BSN: variants seen among roughly 807,000 people sequenced by gnomAD.
BSN encodes the protein bassoon presynaptic cytomatrix protein.
Under a neutral mutation model 264.8 loss-of-function variants are expected in BSN, and 57 were observed. The ratio of observed to expected loss-of-function variants is 0.22; its 90% CI spans 0.17 to 0.27. The LOEUF (loss-of-function observed/expected upper bound fraction) is 0.27, where lower values mean the gene tolerates loss of function less well. Among genes scored for constraint, BSN ranks in the 10% least tolerant of loss-of-function variants. BSN has a pLI of 1.00. For synonymous variants in BSN, 2,059 were observed against 2,137.3 expected (o/e 0.96, Z 1.01); for missense variants, 4,615 against 5,232.5 (o/e 0.88, Z 3.64).
chr3:49,554,778 C>T lies in BSN; in HGVS notation c.176C>T (p.Pro59Leu). The stretch of plus-strand genomic sequence containing the variant: ...GCAGCGCGGTCGACCGCGGTACCAC[C>T]GGTCCCTGGCCCCGGCCCCGGCCCC... ...AGAARSTAVP[P>L]VPGPGPGPGP... Residue 59 changes from proline (P) to leucine (L), a missense_variant, in exon 1 of 12, where the codon CCG (proline) becomes CTG (leucine). Around this residue, in one of 3 missense-constraint regions of BSN, gnomAD observed 1,197 missense variants for 1,348.0 expected, o/e 0.89. Transcript: ENST00000296452. The T allele has an allele frequency of 8.2e-7, 1 of 1,226,764 alleles. No homozygotes were observed. Among genetic ancestry groups the T allele is most frequent in the Non-Finnish European group, 1.0e-6 (1 of 984,918 alleles). 76.0% of individuals were successfully genotyped at this position (1,226,764 alleles called of 1,614,324 possible). A position where few individuals can be genotyped will look rare whatever the true frequency, so the allele number is the denominator to read the frequency against.
Position 49,657,401 on chromosome 3 carries a change from C to T in BSN, c.7845C>T (p.Asp2615=), listed in dbSNP as rs370293771. The T allele has an allele frequency of 1.4e-4, 218 of 1,613,074 alleles. No homozygotes were observed. The highest frequency in any genetic ancestry group is 1.8e-4 in the Non-Finnish European group (212 of 1,180,028). ...GTGCTGACTGCAGTGTGCAGACGGA[C>T]GACGAAGACAGTGCTGAGTGGGAGC... ...RRSADCSVQT[D]DEDSAEWEQP... Residue 2615 remains aspartate, a synonymous_variant, in exon 5 of 12, where the codon GAC becomes GAT. Transcript: ENST00000296452.
rs2052110165 is a variant in BSN, at chr3:49,605,451, AT to A, written c.225-19523del. 7.6e-4 allele frequency among the ~76,000 whole-genome samples: 22 copies of A among 28,826 alleles called. 1 individual carries two copies. The highest frequency in any genetic ancestry group is 3.4e-3 in the African/African-American group (22 of 6,490). The allele number at this position is 28,826 out of a possible 152,430, so 18.9% of individuals were successfully genotyped here. A position where few individuals can be genotyped will look rare whatever the true frequency, so the allele number is the denominator to read the frequency against. On this transcript the variant is annotated intron_variant, in intron 1 of 11. Coordinates refer to ENST00000296452, the MANE Select transcript of BSN (RefSeq NM_003458.4). ...ATATAATATATATTATATATATTATATAATATATATTATATATAATATATAT... is the reference window on the plus strand; with the variant it reads ...ATATAATATATATTATATATATTATAAATATATATTATATATAATATATAT...
At position 49,653,778 on chromosome 3, in the gene BSN, C is replaced by A. The variant is rs143474442; in HGVS notation, c.4222C>A (p.Arg1408Ser). 6.2e-7 allele frequency: 1 copy of A among 1,614,102 alleles called. No individual in the cohort carries two copies. The change falls in exon 5 of 12, where the codon CGT (arginine) becomes AGT (serine). Residue 1408 changes from arginine (R) to serine (S), a missense_variant. This residue lies in a region of BSN where 3,415 missense variants were observed against 3,866.4 expected (regional missense o/e 0.88). Coordinates refer to ENST00000296452, the MANE Select transcript of BSN (RefSeq NM_003458.4). The surrounding 1 kb of genome is among the most constrained non-coding windows in gnomAD (Gnocchi z 6.3). ...MTPASPAGSE[R>S]SPSPSSTAHS... ...TCCAGCCTCCCCAGCAGGCTCCGAGCGTAGTCCTTCACCATCTTCCACAGC... is the reference window on the plus strand; with the variant it reads ...TCCAGCCTCCCCAGCAGGCTCCGAGAGTAGTCCTTCACCATCTTCCACAGC...
chr3:49,614,636 A>G (rs1431019556), intron 1 of BSN, among the ~76,000 whole-genome samples: 1 of 152,206 alleles, frequency 6.6e-6, no homozygotes, highest in Non-Finnish European at 1.5e-5. Flanking sequence ...GTTTTGTTCT[A>G]CATCATGGAT....
chr3:49,572,883 A>G (rs1487471124), intron 1 of BSN, among the ~76,000 whole-genome samples: 1 of 152,102 alleles, frequency 6.6e-6, no homozygotes, highest in Non-Finnish European at 1.5e-5. Context: ...TGTGCAGAAG[A>G]AAGGAGGAAG....
chr3:49,554,824 C>G lies in BSN; in HGVS notation c.222C>G (p.Gly74=). 2 of 1,214,104 alleles carry G rather than the reference C, an allele frequency of 1.6e-6. No individual in the cohort carries two copies. The highest frequency in any genetic ancestry group is 2.0e-6 in the Non-Finnish European group (2 of 976,794). 75.2% of individuals were successfully genotyped at this position (1,214,104 alleles called of 1,614,324 possible). The change falls in exon 1 of 12, where the codon GGC becomes GGG. Residue 74 remains glycine (G), a splice_region_variant and synonymous_variant. Transcript: ENST00000296452. ...GPGPGPGPGP[G]STSRRLDPKE... is the part of the protein sequence containing the mutation. The stretch of plus-strand genomic sequence containing the variant: ...GCCCCGGTCCCGGCCCTGGCCCGGG[C>G]AGGTAAGCGCGTGTCTCGGCGCCCG...
intron 3 of BSN, among the ~76,000 whole-genome samples, chr3:49,647,152 T>C (rs2108076387): frequency 6.6e-6 from 1 of 152,290 alleles, no homozygotes; most frequent in South Asian, 2.1e-4. Flanking sequence ...ATGAAGAGAT[T>C]ACGTGGAATG....
At chr3:49,612,990 G>A (rs1488192274) in intron 1 of BSN, among the ~76,000 whole-genome samples, 1 of 151,984 alleles carries the variant, frequency 6.6e-6, no homozygotes, top group East Asian at 1.9e-4. Context: ...AAAACTACCT[G>A]GGCATGGTGG....
intron 1 of BSN, among the ~76,000 whole-genome samples, chr3:49,566,032 C>G (rs1466145730): frequency 6.6e-6 from 1 of 152,112 alleles, no homozygotes; most frequent in Non-Finnish European, 1.5e-5. Flanking sequence ...GCCATGTTGG[C>G]CAGGCTGGTC....
chr3:49,662,041 C>G lies in BSN; in HGVS notation c.10196C>G (p.Ser3399Cys), dbSNP rs748623863. The G allele has an allele frequency of 1.2e-6, 2 of 1,613,726 alleles. No individual in the cohort carries two copies. The highest frequency in any genetic ancestry group is 1.3e-5 in the African/African-American group (1 of 74,946). The change falls in exon 6 of 12, where the codon TCT becomes TGT. Residue 3399 changes from serine (S) to cysteine (C), a missense_variant. This residue lies in a region of BSN where 3,415 missense variants were observed against 3,866.4 expected (regional missense o/e 0.88). Coordinates refer to ENST00000296452, the MANE Select transcript of BSN (RefSeq NM_003458.4). ...CCTGCAGTCAGCAGCAGCCTGGTCT[C>G]TCGGGGCAGGAAGTTCCAGGATGAA... ...PPPAVSSSLV[S>C]RGRKFQDEIT...
chr3:49,645,540 C>T (rs572372653), intron 3 of BSN, among the ~76,000 whole-genome samples: 3 of 152,324 alleles, frequency 2.0e-5, no homozygotes, highest in South Asian at 4.1e-4. Context: ...TTAGTCCTTC[C>T]GTCCTTATCC....
At chr3:49,614,098 CG>C (rs1227659098) in intron 1 of BSN, among the ~76,000 whole-genome samples, 1 of 125,718 alleles carries the variant, frequency 8.0e-6, no homozygotes, top group Non-Finnish European at 1.6e-5. Context: ...CTCGCTCTGT[CG>C]CCCAGGCCAG....
At chr3:49,577,982 A>C (rs1039555787) in intron 1 of BSN, among the ~76,000 whole-genome samples, 1 of 152,202 alleles carries the variant, frequency 6.6e-6, no homozygotes, top group Non-Finnish European at 1.5e-5. Flanking sequence ...TAGCGGGGTT[A>C]CTGTCCTGAT....
intron 1 of BSN, among the ~76,000 whole-genome samples, chr3:49,610,836 T>G (rs1489715507): frequency 6.6e-6 from 1 of 152,194 alleles, no homozygotes; most frequent in Non-Finnish European, 1.5e-5. Context: ...TCCAGTCCCC[T>G]GAGCACAGCA....
intron 1 of BSN, among the ~76,000 whole-genome samples, chr3:49,602,500 C>T (rs1040433913): frequency 2.0e-5 from 3 of 150,440 alleles, no homozygotes; most frequent in Non-Finnish European, 2.9e-5. Context: ...GGCTGGAGTG[C>T]AATGACACTG....
intron 1 of BSN, among the ~76,000 whole-genome samples, chr3:49,587,236 ATAC>A (rs1224369698): frequency 1.3e-5 from 2 of 152,232 alleles, no homozygotes; most frequent in Non-Finnish European, 2.9e-5. Flanking sequence ...AGTAATAGAA[ATAC>A]TACTGATTTT....
In BSN at chr3:49,662,329, C is replaced by A. The variant is rs979579029; in HGVS notation, c.10484C>A (p.Pro3495His). ...AGTATGGCCCACAGCCGGGTACGACCCCCCATGCGGAGCCAGGCCTCTGAA... is the reference window on the plus strand; with the variant it reads ...AGTATGGCCCACAGCCGGGTACGACACCCCATGCGGAGCCAGGCCTCTGAA... The part of the protein sequence containing the change: ...SLSMAHSRVR[P>H]PMRSQASEEE... Residue 3495 changes from proline to histidine, a missense_variant, in exon 6 of 12, where the codon CCC becomes CAC. Around this residue, in one of 3 missense-constraint regions of BSN, gnomAD observed 3,415 missense variants for 3,866.4 expected, o/e 0.88. Transcript: ENST00000296452. 6.2e-7 allele frequency: 1 copy of A among 1,613,512 alleles called. No individual in the cohort carries two copies. The highest frequency in any genetic ancestry group is 8.5e-7 in the Non-Finnish European group (1 of 1,179,814).
chr3:49,575,957 T>C (rs2051842693), intron 1 of BSN, among the ~76,000 whole-genome samples: 1 of 152,140 alleles, frequency 6.6e-6, no homozygotes, highest in South Asian at 2.1e-4. Flanking sequence ...AGAAAGATCA[T>C]ACTAAATGCA....
chr3:49,664,028 C>T (rs1028593320), intron 8 of BSN, 142 bp downstream of exon 8: 2 of 825,188 alleles, frequency 2.4e-6, no homozygotes, highest in Admixed American at 5.6e-5. Context: ...GTAGACCTCC[C>T]CAGCAGAAAA....
Sources: allele counts gnomAD v4.1 joint callset (sites outside exome capture counted in the v4.1 genomes callset), GRCh38; gene constraint gnomAD v4.1.1; regional missense constraint gnomAD v4.1.1; non-coding constraint Gnocchi (gnomAD v3.1); transcripts MANE v1.5; gene names NCBI Gene and HGNC (gene_info 2026-07-23, HGNC 2026-07-21).